Variants in GATA4 observed in about 807,000 individuals in gnomAD.
The protein encoded by GATA4 is GATA binding protein 4.
In GATA4, 7 loss-of-function variants were observed where a neutral mutation model predicts 37.9. The observed-to-expected ratio is 0.18, with a 90% confidence interval of 0.11 to 0.35. The LOEUF (loss-of-function observed/expected upper bound fraction) is 0.35, where lower values mean the gene tolerates loss of function less well. Ranked by LOEUF, GATA4 falls within the 10% of genes least tolerant of loss-of-function variation. The pLI is 1.00. For missense variants in GATA4, 647 were observed against 653.0 expected (o/e 0.99, Z 0.10); for synonymous variants, 372 against 292.6 (o/e 1.27, Z -2.77).
At chr8:11,755,815 T>A (rs1802531179) in intron 5 of GATA4, among the ~76,000 whole-genome samples, 1 of 151,836 alleles carries the variant, frequency 6.6e-6, no homozygotes, top group African/African-American at 2.4e-5. Context: ...AATTTCTAGA[T>A]TAAGAATAAG....
At chr8:11,710,524 CAAAAAA>C (rs773444142) in intron 2 of GATA4, among the ~76,000 whole-genome samples, 2 of 115,210 alleles carry the variant, frequency 1.7e-5, no homozygotes, top group African/African-American at 6.4e-5. Flanking sequence ...TACTAAAATA[CAAAAAA>C]AAAAAAAAAA....
At chr8:11,702,147 TAGG>T (rs1799697919), upstream of GATA4, among the ~76,000 whole-genome samples, 2 of 152,162 alleles carry the variant, frequency 1.3e-5, no homozygotes, top group African/African-American at 2.4e-5. The surrounding 1 kb of genome is among the most constrained non-coding windows in gnomAD (Gnocchi z 4.4). Context: ...CCCGCACTAC[TAGG>T]AGAAGCCGGC....
At chr8:11,680,081 C>T (rs889200342) in intron 1 of GATA4, among the ~76,000 whole-genome samples, 6 of 152,234 alleles carry the variant, frequency 3.9e-5, no homozygotes, top group Non-Finnish European at 5.9e-5. Context: ...GACTTCCCGC[C>T]GGAGAAGGTC....
intron 1 of GATA4, among the ~76,000 whole-genome samples, chr8:11,695,354 C>G (rs1487263761): frequency 6.6e-6 from 1 of 151,922 alleles, no homozygotes; most frequent in Non-Finnish European, 1.5e-5. Flanking sequence ...TGCGGTGAGC[C>G]AAGATCGCGC....
At chr8:11,705,358 G>A (rs1365857000) in intron 1 of GATA4, among the ~76,000 whole-genome samples, 1 of 152,176 alleles carries the variant, frequency 6.6e-6, no homozygotes, top group African/African-American at 2.4e-5. Context: ...CGGCTAGCGT[G>A]CGACCGTCCT....
intron 1 of GATA4, chr8:11,692,959 C>T (rs1282595603): frequency 3.0e-6 from 3 of 985,244 alleles, no homozygotes; most frequent in African/African-American, 3.5e-5. Flanking sequence ...TAAGGCCTGC[C>T]AGGCGCCGGC....
chr8:11,688,236 TATA>T (rs1799201776), upstream of GATA4, among the ~76,000 whole-genome samples: 1 of 152,236 alleles, frequency 6.6e-6, no homozygotes, highest in African/African-American at 2.4e-5. Context: ...GCTATACATT[TATA>T]ATGCGTCTAT....
At chr8:11,705,207 T>A (rs1799839767) in intron 1 of GATA4, among the ~76,000 whole-genome samples, 1 of 152,146 alleles carries the variant, frequency 6.6e-6, no homozygotes, top group Non-Finnish European at 1.5e-5. Flanking sequence ...GGGAAGCGCC[T>A]CGGGGAAGTG....
At position 11,707,450 on chromosome 8, in the gene GATA4, G is replaced by C. The variant is rs908904566; in HGVS notation, c.-457-406G>C. On this transcript the variant is annotated intron_variant, in intron 1 of 6. Coordinates refer to ENST00000532059, the MANE Select transcript of GATA4 (RefSeq NM_001308093.3). This position sits in a 1 kb window ranked among gnomAD's most constrained non-coding sequence, Gnocchi z 4.7. Reference sequence around the variant, plus strand: ...CCCATCTTTCTTGGGGAGAGATGGGGAACAGAGGAGATGAGAGATTTCTTG... The same window carrying C: ...CCCATCTTTCTTGGGGAGAGATGGGCAACAGAGGAGATGAGAGATTTCTTG... 1.3e-4 allele frequency among the ~76,000 whole-genome samples: 20 copies of C among 152,160 alleles called. No individual in the cohort carries two copies. Among genetic ancestry groups the C allele is most frequent in the Admixed American group, 1.3e-3 (20 of 15,294 alleles).
chr8:11,680,529 T>C (rs547251948), intron 1 of GATA4: 2 of 985,254 alleles, frequency 2.0e-6, no homozygotes, highest in Non-Finnish European at 2.4e-6. Context: ...CTCGGACGGG[T>C]GTCGCGCCGA....
chr8:11,697,876 C>G, intron 1 of GATA4: 3 of 985,450 alleles, frequency 3.0e-6, no homozygotes, highest in Non-Finnish European at 3.6e-6. Context: ...GGAAACGGGC[C>G]GAGCTGGCTC....
chr8:11,737,217 G>A (rs1801506055), intron 2 of GATA4, among the ~76,000 whole-genome samples: 1 of 151,668 alleles, frequency 6.6e-6, no homozygotes, highest in Admixed American at 6.6e-5. Context: ...TCTTCTGAAA[G>A]GCGTAAATCT....
intron 2 of GATA4, among the ~76,000 whole-genome samples, chr8:11,732,981 G>T (rs968544285): frequency 6.6e-6 from 1 of 152,126 alleles, no homozygotes; most frequent in Admixed American, 6.6e-5. Context: ...TCACATGTGG[G>T]TTAGGGTTGC....
At chr8:11,693,007 G>A in intron 1 of GATA4, 1 of 985,370 alleles carries the variant, frequency 1.0e-6, no homozygotes, top group Non-Finnish European at 1.2e-6. Context: ...ACCCCCGGCC[G>A]CGCACCGAGG....
At chr8:11,741,426 C>T (rs1369260090) in intron 2 of GATA4, among the ~76,000 whole-genome samples, 1 of 151,972 alleles carries the variant, frequency 6.6e-6, no homozygotes, top group Admixed American at 6.5e-5. Context: ...CTGCAATTAG[C>T]TATGACTGAG....
intron 1 of GATA4, among the ~76,000 whole-genome samples, chr8:11,678,047 AT>A (rs1386297396): frequency 1.4e-5 from 2 of 145,826 alleles, no homozygotes; most frequent in African/African-American, 2.7e-5. Context: ...AATAATAATA[AT>A]AATAATAATA....
At chr8:11,739,826 C>T (rs980748664) in intron 2 of GATA4, among the ~76,000 whole-genome samples, 2 of 152,256 alleles carry the variant, frequency 1.3e-5, no homozygotes, top group Non-Finnish European at 2.9e-5. Flanking sequence ...GGCACTTGCC[C>T]GGCCTGCTCT....
chr8:11,704,502 C>T (rs1344533895), intron 1 of GATA4, among the ~76,000 whole-genome samples, 198 bp downstream of exon 1: 2 of 152,236 alleles, frequency 1.3e-5, no homozygotes, highest in Non-Finnish European at 2.9e-5. Flanking sequence ...CAAAGTAAGA[C>T]TTGGGGGCAA....
chr8:11,678,258 A>G (rs1022856563), intron 1 of GATA4, among the ~76,000 whole-genome samples: 26 of 152,156 alleles, frequency 1.7e-4, no homozygotes, highest in African/African-American at 6.3e-4. Context: ...ATTGGGTAGG[A>G]TTGAGGGCAA....
Sources: gnomAD v4.1 joint callset for allele counts (sites outside exome capture counted in the v4.1 genomes callset) on GRCh38, gnomAD v4.1.1 for gene constraint, Gnocchi (gnomAD v3.1) non-coding constraint, MANE v1.5 for transcripts, NCBI Gene and HGNC (gene_info 2026-07-23, HGNC 2026-07-21) for gene names.